The following TRIT1 variants were observed in gnomAD, a reference collection of about 807,000 sequenced individuals.
The protein encoded by TRIT1 is tRNA dimethylallyltransferase.
A neutral mutation model predicts 51.2 loss-of-function variants in TRIT1; 43 were observed. That is an observed-to-expected ratio of 0.84 (90% CI 0.66 to 1.08). The LOEUF is 1.08. TRIT1 is among the 50% of genes least tolerant of loss of function. The pLI, the probability that TRIT1 is intolerant of heterozygous loss-of-function variation, is 0.00. For missense variants in TRIT1, 528 were observed against 578.4 expected (o/e 0.91, Z 0.89); for synonymous variants, 184 against 203.9 (o/e 0.90, Z 0.83).
chr1:39,883,478 G>C lies in TRIT1; in HGVS notation c.14C>G (p.Ala5Gly), dbSNP rs766933115. 1.3e-6 allele frequency: 2 copies of C among 1,595,356 alleles called. No homozygotes were observed. Among genetic ancestry groups the C allele is most frequent in the Non-Finnish European group, 1.7e-6 (2 of 1,165,406 alleles). The part of the protein sequence containing the change: MASV[A>G]AARAVPVGSG... Reference sequence around the variant, plus strand: ...GCCCACGGGAACTGCTCGTGCAGCCGCCACGGACGCCATCTTATGGCAGTC... The same window carrying C: ...GCCCACGGGAACTGCTCGTGCAGCCCCCACGGACGCCATCTTATGGCAGTC... Residue 5 changes from alanine (A) to glycine (G), a missense_variant, in exon 1 of 11, where the codon GCG (alanine) becomes GGG (glycine). Physicochemically the swap from Ala to Gly is moderately conservative, Grantham distance 60 (BLOSUM62 0). Around this residue, in one of 3 missense-constraint regions of TRIT1, gnomAD observed 55 missense variants for 37.0 expected, o/e 1.49. Transcript: ENST00000316891.
intron 1 of TRIT1, among the ~76,000 whole-genome samples, chr1:39,880,244 G>A (rs543150953): frequency 3.5e-5 from 5 of 141,670 alleles, no homozygotes; most frequent in African/African-American, 5.4e-5. Flanking sequence ...CATTCCAGCC[G>A]GGGCAACAGA....
At chr1:39,843,111 G>A (rs1254817341) in intron 10 of TRIT1, among the ~76,000 whole-genome samples, 2 of 152,026 alleles carry the variant, frequency 1.3e-5, no homozygotes, top group South Asian at 4.2e-4. Context: ...AATGACAATC[G>A]AGGCTTCTTC....
chr1:39,852,933 G>T, intron 3 of TRIT1, 57 bp from the exon 4 acceptor site: 1 of 1,577,458 alleles, frequency 6.3e-7, no homozygotes, highest in East Asian at 2.2e-5. Flanking sequence ...GACAGTGTAT[G>T]TGCCAGGCAC....
intron 1 of TRIT1, among the ~76,000 whole-genome samples, chr1:39,872,933 A>C (rs1643927573): frequency 6.6e-6 from 1 of 152,164 alleles, no homozygotes; most frequent in African/African-American, 2.4e-5. Flanking sequence ...ATGAATGCTA[A>C]AATCAGAGGG....
intron 1 of TRIT1, among the ~76,000 whole-genome samples, chr1:39,870,294 A>C (rs1171448156): frequency 6.6e-6 from 1 of 152,128 alleles, no homozygotes; most frequent in Non-Finnish European, 1.5e-5. Flanking sequence ...GCTTTGTTAA[A>C]CAGATGCTTG....
At chr1:39,848,143 C>T in intron 5 of TRIT1, 46 bp from the exon 6 acceptor site, 1 of 1,391,632 alleles carries the variant, frequency 7.2e-7, no homozygotes, top group Non-Finnish European at 1.0e-6. Context: ...TTGTAGGTAC[C>T]TACTATATAC....
intron 1 of TRIT1, among the ~76,000 whole-genome samples, chr1:39,873,427 A>C (rs950446424): frequency 6.6e-6 from 1 of 152,200 alleles, no homozygotes; most frequent in Non-Finnish European, 1.5e-5. Context: ...GTACCCTTCA[A>C]AAGTATCAAG....
intron 4 of TRIT1, 114 bp downstream of exon 4, chr1:39,852,617 A>T: frequency 7.5e-7 from 1 of 1,327,062 alleles, no homozygotes; most frequent in Non-Finnish European, 1.0e-6. Context: ...AGAACAACAC[A>T]TCAATCTCCA....
intron 1 of TRIT1, among the ~76,000 whole-genome samples, chr1:39,865,535 T>C (rs1405719580): frequency 1.3e-5 from 2 of 151,880 alleles, no homozygotes; most frequent in East Asian, 3.9e-4. Context: ...TATAGAAAAG[T>C]GGTTAACAGT....
chr1:39,841,668 A>G lies in TRIT1; in HGVS notation c.*76T>C. 6.8e-7 allele frequency: 1 copy of G among 1,461,536 alleles called. No individual in the cohort carries two copies. The highest frequency in any genetic ancestry group is 2.3e-5 in the East Asian group (1 of 43,206). 90.5% of individuals were successfully genotyped at this position (1,461,536 alleles called of 1,614,324 possible). A position where few individuals can be genotyped will look rare whatever the true frequency, so the allele number is the denominator to read the frequency against. ...AATTCCGCATAGCACTCCTTTGCCC[A>G]GACTGGGAGACAAACATACCCCTCC... On this transcript the variant is annotated 3_prime_UTR_variant, in exon 11 of 11. Transcript: ENST00000316891.
Position 39,857,285 on chromosome 1 carries a change from T to C in TRIT1, c.307A>G (p.Thr103Ala). 1.2e-6 allele frequency: 2 copies of C among 1,610,746 alleles called. No individual in the cohort carries two copies. Among genetic ancestry groups the C allele is most frequent in the Non-Finnish European group, 1.7e-6 (2 of 1,178,284 alleles). Residue 103 changes from threonine to alanine, a missense_variant, in exon 2 of 11, where the codon ACT becomes GCT. Physicochemically the swap from Thr to Ala is moderately conservative, Grantham distance 58. This residue lies in a region of TRIT1 where 468 missense variants were observed against 522.6 expected (regional missense o/e 0.90). Transcript: ENST00000316891. ...YTVVDFRNRATALIEDIFARD... is the reference protein window; with the variant it reads ...YTVVDFRNRAAALIEDIFARD... ...GCCTTTCCTAAGGATATCAGAGCAGTTGCTCTATTTCTGAAGTCCACCACT... is the reference window on the plus strand; with the variant it reads ...GCCTTTCCTAAGGATATCAGAGCAGCTGCTCTATTTCTGAAGTCCACCACT...
At chr1:39,857,956 G>A (rs185696869) in intron 1 of TRIT1, among the ~76,000 whole-genome samples, 13 of 152,294 alleles carry the variant, frequency 8.5e-5, no homozygotes, top group African/African-American at 2.6e-4. Flanking sequence ...TAATACTGCT[G>A]TACTCTAGTG....
At chr1:39,867,030 G>T in intron 1 of TRIT1, among the ~76,000 whole-genome samples, 1 of 152,190 alleles carries the variant, frequency 6.6e-6, no homozygotes, top group Non-Finnish European at 1.5e-5. Context: ...GATCTGTTGA[G>T]TCAGTGTGAT....
At chr1:39,879,202 G>A (rs1211410447) in intron 1 of TRIT1, among the ~76,000 whole-genome samples, 2 of 152,060 alleles carry the variant, frequency 1.3e-5, no homozygotes, top group Non-Finnish European at 2.9e-5. Context: ...ATGGGAGGCA[G>A]AGGTTGCAGT....
intron 1 of TRIT1, among the ~76,000 whole-genome samples, chr1:39,868,996 G>A (rs1041489590): frequency 1.3e-5 from 2 of 152,180 alleles, no homozygotes; most frequent in Non-Finnish European, 2.9e-5. Context: ...TGAGGCAGAG[G>A]TTGCAGTGAG....
In TRIT1 at chr1:39,847,258, C is replaced by T. The variant is rs1047420796; in HGVS notation, c.968G>A (p.Arg323Gln). The change falls in exon 8 of 11, where the codon CGG becomes CAG. Residue 323 changes from arginine to glutamine, a missense_variant. Physicochemically the swap from Arg to Gln is conservative, Grantham distance 43. Coordinates refer to ENST00000316891, the MANE Select transcript of TRIT1 (RefSeq NM_017646.6). Reference sequence around the variant, plus strand: ...GTTTTTAACCCATCGGTTTTGTTTCCGGGCATATCTCTTAGTTACTTGTTT... The same window carrying T: ...GTTTTTAACCCATCGGTTTTGTTTCTGGGCATATCTCTTAGTTACTTGTTT... ...ALKQVTKRYA[R>Q]KQNRWVKNRF... 7.4e-6 allele frequency: 12 copies of T among 1,613,976 alleles called. No individual in the cohort carries two copies. In the East Asian group the frequency reaches 1.1e-4, roughly 15 times the overall value.
At position 39,840,595 on chromosome 1, in the gene TRIT1, A is replaced by G. The variant is rs373616192; in HGVS notation, c.*1149T>C. Among the ~76,000 whole-genome samples, 32 of 152,310 alleles carry G rather than the reference A, an allele frequency of 2.1e-4. No homozygotes were observed. The highest frequency in any genetic ancestry group is 7.0e-4 in the African/African-American group (29 of 41,558). Reference sequence around the variant, plus strand: ...CTCTGCATTCCCTTTAGCCTAATTCAGGGCCTCTCATAGAGTAGATTCTGC... The same window carrying G: ...CTCTGCATTCCCTTTAGCCTAATTCGGGGCCTCTCATAGAGTAGATTCTGC... On this transcript the variant is annotated 3_prime_UTR_variant, in exon 11 of 11. Coordinates refer to ENST00000316891, the MANE Select transcript of TRIT1 (RefSeq NM_017646.6).
At chr1:39,866,332 C>T (rs1348185083) in intron 1 of TRIT1, among the ~76,000 whole-genome samples, 1 of 152,068 alleles carries the variant, frequency 6.6e-6, no homozygotes, top group Admixed American at 6.6e-5. Flanking sequence ...GTCACCACGC[C>T]CAGCTAATTT....
intron 2 of TRIT1, 144 bp downstream of exon 2, chr1:39,857,133 C>T (rs187070213): frequency 6.9e-5 from 61 of 889,900 alleles, no homozygotes; most frequent in Non-Finnish European, 8.4e-5. Flanking sequence ...TCTTTCAGTC[C>T]ATAGTCTGAT....
Sources: allele counts gnomAD v4.1 joint callset (sites outside exome capture counted in the v4.1 genomes callset), GRCh38; gene constraint gnomAD v4.1.1; regional missense constraint gnomAD v4.1.1; transcripts MANE v1.5; gene names NCBI Gene and HGNC (gene_info 2026-07-23, HGNC 2026-07-21).